Variants in LUZP2 observed in about 807,000 individuals in gnomAD.
LUZP2 encodes the protein leucine zipper protein 2.
In LUZP2, 52 loss-of-function variants were observed where a neutral mutation model predicts 51.6. That is an observed-to-expected ratio of 1.01 (90% CI 0.81 to 1.27). LUZP2 has a LOEUF of 1.27. Ranked by LOEUF, LUZP2 falls within the 50% of genes most tolerant of loss-of-function variation. The pLI, the probability that LUZP2 is intolerant of heterozygous loss-of-function variation, is 0.00. For missense variants in LUZP2, 436 were observed against 395.4 expected (o/e 1.10, Z -0.87); for synonymous variants, 154 against 137.3 (o/e 1.12, Z -0.85).
At chr11:24,848,170 T>TGATAGATAC (rs1851264035) in intron 5 of LUZP2, among the ~76,000 whole-genome samples, 1 of 141,990 alleles carries the variant, frequency 7.0e-6, no homozygotes, top group Non-Finnish European at 1.5e-5. Flanking sequence ...ATGATAGATA[T>TGATAGATAC]GTTATTACTG....
At position 25,080,280 on chromosome 11, in the gene LUZP2, C is replaced by A. The variant is rs1859427804; in HGVS notation, c.*1622C>A. 1 of 152,082 alleles carries A rather than the reference C, an allele frequency of 6.6e-6. No individual in the cohort carries two copies. The highest frequency in any genetic ancestry group is 1.5e-5 in the Non-Finnish European group (1 of 68,004). The allele number at this position is 152,082 out of a possible 1,614,324, so 9.4% of individuals were successfully genotyped here. ...ATTATAAAATAGGGTTTGTGTTAGA[C>A]AATTTGCCCAACTGTAGGATGAGGT... On this transcript the variant is annotated 3_prime_UTR_variant, in exon 12 of 12. Coordinates refer to ENST00000336930, the MANE Select transcript of LUZP2 (RefSeq NM_001009909.4).
At chr11:25,063,662 A>G (rs1393409603) in intron 10 of LUZP2, among the ~76,000 whole-genome samples, 1 of 151,898 alleles carries the variant, frequency 6.6e-6, no homozygotes, top group Non-Finnish European at 1.5e-5. Context: ...CATCTGAGTA[A>G]GTTAATGTAG....
intron 7 of LUZP2, among the ~76,000 whole-genome samples, chr11:24,965,589 G>A (rs1280109179): frequency 6.6e-6 from 1 of 151,686 alleles, no homozygotes; most frequent in Non-Finnish European, 1.5e-5. Flanking sequence ...AAAGTTATAG[G>A]TTAACAAAAT....
intron 5 of LUZP2, among the ~76,000 whole-genome samples, chr11:24,880,486 G>A (rs1428518793): frequency 6.6e-6 from 1 of 152,146 alleles, no homozygotes; most frequent in African/African-American, 2.4e-5. Flanking sequence ...TTTGTTAGGG[G>A]GACGGTTGGT....
chr11:24,976,552 T>A (rs752817047), intron 7 of LUZP2, 39 bp from the exon 8 acceptor site: 1 of 1,419,664 alleles, frequency 7.0e-7, no homozygotes, highest in East Asian at 2.4e-5. Context: ...AGAGGGAAAT[T>A]GCAGAATTTA....
intron 7 of LUZP2, among the ~76,000 whole-genome samples, chr11:24,949,742 T>G (rs1855021399): frequency 6.6e-6 from 1 of 151,572 alleles, no homozygotes; most frequent in African/African-American, 2.4e-5. Flanking sequence ...AAGGTTCGAG[T>G]TGGAGAGTGG....
intron 9 of LUZP2, among the ~76,000 whole-genome samples, chr11:25,013,902 C>T (rs569712489): frequency 2.6e-5 from 4 of 152,100 alleles, no homozygotes; most frequent in South Asian, 4.2e-4. Context: ...CTCCCCTGTC[C>T]CCCCACCCCA....
intron 10 of LUZP2, among the ~76,000 whole-genome samples, chr11:25,054,664 T>A (rs1858623542): frequency 6.6e-6 from 1 of 152,138 alleles, no homozygotes; most frequent in Non-Finnish European, 1.5e-5. Flanking sequence ...ATCTTTCAAT[T>A]TTTTAATTGA....
chr11:24,567,328 C>T (rs1852279927), intron 1 of LUZP2, among the ~76,000 whole-genome samples: 1 of 151,642 alleles, frequency 6.6e-6, no homozygotes, highest in Non-Finnish European at 1.5e-5. Context: ...GAAAAATAAA[C>T]AGAGGCTTAA....
intron 1 of LUZP2, among the ~76,000 whole-genome samples, chr11:24,536,642 G>A (rs746889015): frequency 6.6e-6 from 1 of 151,976 alleles, no homozygotes; most frequent in Non-Finnish European, 1.5e-5. Flanking sequence ...ATTGTGGCTG[G>A]TTTGATCTTC....
intron 5 of LUZP2, among the ~76,000 whole-genome samples, chr11:24,855,662 C>G (rs941244204): frequency 2.0e-5 from 3 of 152,084 alleles, no homozygotes; most frequent in African/African-American, 7.2e-5. Flanking sequence ...ACAACCAAAG[C>G]AATCCTAAAC....
chr11:24,634,503 T>C (rs551731710), intron 1 of LUZP2, among the ~76,000 whole-genome samples: 121 of 152,188 alleles, frequency 8.0e-4, no homozygotes, highest in African/African-American at 2.7e-3. Flanking sequence ...TCAAGCATTT[T>C]CTTTCTGGTT....
At chr11:24,719,926 A>C (rs1858197669) in intron 1 of LUZP2, among the ~76,000 whole-genome samples, 1 of 152,226 alleles carries the variant, frequency 6.6e-6, no homozygotes. Context: ...ATAGAAGTAG[A>C]GTCATTGGCT....
chr11:24,791,423 G>A (rs1043895074), intron 5 of LUZP2, among the ~76,000 whole-genome samples: 1 of 152,124 alleles, frequency 6.6e-6, no homozygotes, highest in African/African-American at 2.4e-5. Flanking sequence ...GAGCTCTGAT[G>A]GAGTGGAGTG....
At chr11:24,854,954 C>A (rs1851512920) in intron 5 of LUZP2, among the ~76,000 whole-genome samples, 1 of 152,110 alleles carries the variant, frequency 6.6e-6, no homozygotes, top group Non-Finnish European at 1.5e-5. Context: ...CCTCCGTGAG[C>A]CACACCCACT....
chr11:25,068,144 A>T (rs1859049616), intron 10 of LUZP2, among the ~76,000 whole-genome samples: 1 of 151,996 alleles, frequency 6.6e-6, no homozygotes. Flanking sequence ...GGAGGGGAAC[A>T]TCACACACTG....
At chr11:24,572,625 A>T (rs550301476) in intron 1 of LUZP2, among the ~76,000 whole-genome samples, 1 of 152,170 alleles carries the variant, frequency 6.6e-6, no homozygotes, top group Non-Finnish European at 1.5e-5. Context: ...AGTGGCATAC[A>T]AAAGCTGGAA....
chr11:24,671,797 C>G (rs1425290601), intron 1 of LUZP2, among the ~76,000 whole-genome samples: 1 of 152,044 alleles, frequency 6.6e-6, no homozygotes, highest in Admixed American at 6.6e-5. Context: ...ACAGTATGGC[C>G]TTACTAATGA....
intron 5 of LUZP2, among the ~76,000 whole-genome samples, chr11:24,767,980 T>C (rs1860258580): frequency 6.7e-6 from 1 of 149,606 alleles, no homozygotes; most frequent in Non-Finnish European, 1.5e-5. Context: ...TTCTTTTTTT[T>C]TTGAATTTTA....
Sources: gnomAD v4.1 joint callset for allele counts (sites outside exome capture counted in the v4.1 genomes callset) on GRCh38, gnomAD v4.1.1 for gene constraint, MANE v1.5 for transcripts, NCBI Gene and HGNC (gene_info 2026-07-23, HGNC 2026-07-21) for gene names.